Variants in NFKBIZ observed in about 807,000 individuals in gnomAD.
The protein encoded by NFKBIZ is NF-kappa-B inhibitor zeta.
NFKBIZ carries 19 observed loss-of-function variants against 76.8 expected under a neutral mutation model. That is an observed-to-expected ratio of 0.25 (90% confidence interval 0.17 to 0.36). The LOEUF is 0.36. NFKBIZ is among the 10% of genes least tolerant of loss of function. The pLI is 1.00. For missense variants in NFKBIZ, 829 were observed against 910.9 expected, an observed-to-expected ratio of 0.91 and a Z score of 1.16; for synonymous variants, 368 against 354.8, an observed-to-expected ratio of 1.04 and a Z score of -0.42.
In NFKBIZ at chr3:101,852,102, G is replaced by C. The variant is rs754907358; in HGVS notation, c.307G>C (p.Val103Leu). ...ERQPVEPHMG[V>L]GRQQRGPFQG... Reference sequence around the variant, plus strand: ...TTGAACAGTTGAGCCCCATATGGGGGTTGGCAGGCAGCAGAGAGGCCCCTT... The same window carrying C: ...TTGAACAGTTGAGCCCCATATGGGGCTTGGCAGGCAGCAGAGAGGCCCCTT... The change falls in exon 2 of 12, where the codon GTT (valine) becomes CTT (leucine). Residue 103 changes from valine (V) to leucine (L), a missense_variant. Transcript: ENST00000326172. The C allele has an allele frequency of 6.2e-6, 10 of 1,614,206 alleles. No individual in the cohort carries two copies. Among genetic ancestry groups the C allele is most frequent in the Non-Finnish European group, 8.5e-6 (10 of 1,180,040 alleles).
At chr3:101,846,401 T>G (rs1057288195), upstream of NFKBIZ, among the ~76,000 whole-genome samples, 2 of 152,224 alleles carry the variant, frequency 1.3e-5, no homozygotes, top group African/African-American at 4.8e-5. Context: ...TGTAGCGATA[T>G]TAACTGTTTT....
intron 1 of NFKBIZ, 69 bp from the exon 2 acceptor site, chr3:101,852,016 T>C: frequency 6.4e-7 from 1 of 1,562,002 alleles, no homozygotes; most frequent in Non-Finnish European, 8.7e-7. Flanking sequence ...AGCTATACTT[T>C]TGGGATTATT....
chr3:101,836,705 G>A (rs1004790174), intron 2 of NFKBIZ, among the ~76,000 whole-genome samples: 2 of 152,098 alleles, frequency 1.3e-5, no homozygotes, highest in African/African-American at 2.4e-5. Context: ...TTTAACAAAT[G>A]TCTTTTAATA....
chr3:101,850,118 G>A, intron 1 of NFKBIZ: 1 of 467,326 alleles, frequency 2.1e-6, no homozygotes, highest in Non-Finnish European at 3.5e-6. Context: ...CCGCGGAACC[G>A]GCTCCCTCCC....
At chr3:101,846,661 TTGAA>T (rs1942856734), upstream of NFKBIZ, among the ~76,000 whole-genome samples, 2 of 152,350 alleles carry the variant, frequency 1.3e-5, no homozygotes, top group South Asian at 4.1e-4. Flanking sequence ...ACGGATTTAT[TTGAA>T]TGGGCATTTA....
chr3:101,844,967 C>T (rs1249572193), upstream of NFKBIZ, among the ~76,000 whole-genome samples: 1 of 152,128 alleles, frequency 6.6e-6, no homozygotes, highest in East Asian at 1.9e-4. Flanking sequence ...ATTACATCTA[C>T]ACTTAAAAAT....
At chr3:101,847,360 T>C (rs1181466832), upstream of NFKBIZ, among the ~76,000 whole-genome samples, 1 of 152,278 alleles carries the variant, frequency 6.6e-6, no homozygotes, top group Non-Finnish European at 1.5e-5. Flanking sequence ...TTTTCTTTTT[T>C]ATTTTTTAAA....
chr3:101,859,616 A>C lies in NFKBIZ; in HGVS notation c.*245A>C. The C allele has an allele frequency of 1.3e-5, 4 of 319,924 alleles. No homozygotes were observed. Among genetic ancestry groups the C allele is most frequent in the Non-Finnish European group, 1.2e-5 (2 of 170,506 alleles). 19.8% of individuals were successfully genotyped at this position (319,924 alleles called of 1,614,324 possible). On this transcript the variant is annotated 3_prime_UTR_variant, in exon 12 of 12. Transcript: ENST00000326172. ...GATCTAGACATCTGAATTTGATCTC[A>C]ATGGTAACATTGCCTTCAATTAACA... is the stretch of plus-strand genomic sequence containing the variant.
chr3:101,829,988 T>C (rs1942625953), intron 2 of NFKBIZ, among the ~76,000 whole-genome samples: 1 of 152,144 alleles, frequency 6.6e-6, no homozygotes, highest in African/African-American at 2.4e-5. Context: ...AAGAGGGGAA[T>C]TCAGCTCTCT....
intron 1 of NFKBIZ, among the ~76,000 whole-genome samples, chr3:101,828,888 AC>A (rs879453581): frequency 1.3e-5 from 2 of 152,214 alleles, no homozygotes. Flanking sequence ...GATGACAGTT[AC>A]GTAAATTTTA....
chr3:101,855,649 GC>G, intron 8 of NFKBIZ, 83 bp from the exon 9 acceptor site: 1 of 1,420,566 alleles, frequency 7.0e-7, no homozygotes, highest in Non-Finnish European at 9.6e-7. Context: ...TAAGTTAGAG[GC>G]CATCCTCAGC....
At chr3:101,832,833 A>G (rs1251382665) in intron 2 of NFKBIZ, among the ~76,000 whole-genome samples, 1 of 152,202 alleles carries the variant, frequency 6.6e-6, no homozygotes. Context: ...GGATATATCA[A>G]GTCATTCTAT....
intron 2 of NFKBIZ, among the ~76,000 whole-genome samples, chr3:101,842,152 G>A (rs112073895): frequency 0.02 from 3,028 of 152,250 alleles, 98 homozygotes; most frequent in African/African-American, 0.067. Context: ...TGGGGTCAGG[G>A]GAGGAAGGGA....
intron 1 of NFKBIZ, among the ~76,000 whole-genome samples, chr3:101,828,708 G>A (rs1175251545): frequency 6.6e-6 from 1 of 152,170 alleles, no homozygotes; most frequent in African/African-American, 2.4e-5. Context: ...TTATGAATGA[G>A]GAAAACCTGA....
chr3:101,838,384 T>C (rs1337953883), intron 2 of NFKBIZ, among the ~76,000 whole-genome samples: 1 of 152,302 alleles, frequency 6.6e-6, no homozygotes, highest in East Asian at 1.9e-4. Context: ...TACAGATAGG[T>C]ATGCAGGCTT....
At chr3:101,857,731 G>A in intron 11 of NFKBIZ, 2 of 985,414 alleles carry the variant, frequency 2.0e-6, no homozygotes, top group Non-Finnish European at 2.4e-6. Flanking sequence ...AAGTCAGAAT[G>A]GTTTAAGGTT....
chr3:101,845,410 C>G (rs928144481), upstream of NFKBIZ, among the ~76,000 whole-genome samples: 1 of 150,766 alleles, frequency 6.6e-6, no homozygotes, highest in East Asian at 2.0e-4. Context: ...CCTCCCACTT[C>G]GGCCTCCCAA....
At chr3:101,856,310 G>T (rs1029479566) in intron 9 of NFKBIZ, among the ~76,000 whole-genome samples, 1 of 152,140 alleles carries the variant, frequency 6.6e-6, no homozygotes, top group Non-Finnish European at 1.5e-5. Flanking sequence ...TCGGCCTCCC[G>T]AAGTGCTGGG....
chr3:101,860,799 TAAAAA>T lies in NFKBIZ; in HGVS notation c.*1439_*1443del, dbSNP rs11299195. 1.6e-5 allele frequency: 2 copies of T among 128,758 alleles called. No homozygotes were observed. The highest frequency in any genetic ancestry group is 3.3e-5 in the Non-Finnish European group (2 of 60,316). The allele number at this position is 128,758 out of a possible 1,614,324, so 8.0% of individuals were successfully genotyped here. A position where few individuals can be genotyped will look rare whatever the true frequency, so the allele number is the denominator to read the frequency against. On this transcript the variant is annotated 3_prime_UTR_variant, in exon 12 of 12. Coordinates refer to ENST00000326172, the MANE Select transcript of NFKBIZ (RefSeq NM_031419.4). The stretch of plus-strand genomic sequence containing the variant: ...TGACTCATTAAAAACCTTTTTTTTT[TAAAAA>T]AAAAAAAAAAGAAAATCTCATTAGT...
Sources: allele counts gnomAD v4.1 joint callset (sites outside exome capture counted in the v4.1 genomes callset), GRCh38; gene constraint gnomAD v4.1.1; transcripts MANE v1.5; gene names NCBI Gene and HGNC (gene_info 2026-07-23, HGNC 2026-07-21).